The following MGAM variants were observed in gnomAD, a reference collection of about 807,000 sequenced individuals.
MGAM encodes maltase-glucoamylase.
Under a neutral mutation model 358.8 loss-of-function variants are expected in MGAM, and 253 were observed. The observed-to-expected ratio is 0.71, with a 90% CI of 0.64 to 0.78. The LOEUF (loss-of-function observed/expected upper bound fraction) is 0.78. MGAM is among the 30% of genes least tolerant of loss of function. The pLI is 0.00. For missense variants in MGAM, 3,080 were observed against 3,432.6 expected (o/e 0.90, Z 2.57); for synonymous variants, 1,105 against 1,227.1 (o/e 0.90, Z 2.08).
In MGAM at chr7:142,062,688, G is replaced by C. The variant is rs754566813; in HGVS notation, c.4243G>C (p.Asp1415His). 2 of 1,609,924 alleles carry C rather than the reference G, an allele frequency of 1.2e-6. No homozygotes were observed. The highest frequency in any genetic ancestry group is 1.7e-6 in the Non-Finnish European group (2 of 1,178,402). ...GAATCCAGAGAGGAGCTTGAAGTTT[G>C]ATGGCATGTGGATTGTAAGTGTGTG... ...PQNPERSLKF[D>H]GMWIDMNEPS... is the part of the protein sequence containing the mutation. Residue 1415 changes from aspartate to histidine, a missense_variant, in exon 35 of 71, where the codon GAT (aspartate) becomes CAT (histidine). Asp to His is a moderately conservative substitution (Grantham distance 81). Coordinates refer to ENST00000475668, the MANE Select transcript of MGAM (RefSeq NM_001365693.1).
rs1807779161 is a variant in MGAM, at chr7:142,034,317, C to T, written c.1725C>T (p.His575=). ...CTCTCTGTATGGATGCAGTGCAGCA[C>T]TGGGGCAAGCAGTATGACATTCACA... ...CKTLCMDAVQ[H]WGKQYDIHNL... Residue 575 remains histidine (H), a synonymous_variant, in exon 15 of 71, where the codon CAC becomes CAT. Transcript: ENST00000475668. 1.3e-6 allele frequency: 2 copies of T among 1,599,032 alleles called. No homozygotes were observed. Among genetic ancestry groups the T allele is most frequent in the South Asian group, 1.1e-5 (1 of 88,140 alleles).
chr7:142,045,237 A>ACATATATGTTATATAATATATATTATATC (rs1809993722), intron 21 of MGAM, among the ~76,000 whole-genome samples: 1 of 93,408 alleles, frequency 1.1e-5, no homozygotes, highest in African/African-American at 5.1e-5. Flanking sequence ...TATATTATAT[A>ACATATATGTTATATAATATATATTATATC]TCATATAATA....
chr7:142,040,937 C>G (rs1808468113), intron 21 of MGAM, 91 bp downstream of exon 21: 2 of 1,462,188 alleles, frequency 1.4e-6, no homozygotes, highest in East Asian at 4.9e-5. Context: ...GCCAGGTGGT[C>G]AGCCTCTTTG....
At position 142,063,568 on chromosome 7, in the gene MGAM, C is replaced by T. The variant is rs755138331; in HGVS notation, c.4327C>T (p.His1443Tyr). The change falls in exon 36 of 71, where the codon CAC (histidine) becomes TAC (tyrosine). Residue 1443 changes from histidine (H) to tyrosine (Y), a missense_variant. This residue lies in a region of MGAM where 1,816 missense variants were observed against 1,840.5 expected (regional missense o/e 0.99). Coordinates refer to ENST00000475668, the MANE Select transcript of MGAM (RefSeq NM_001365693.1). The stretch of plus-strand genomic sequence containing the variant: ...AGGCTGCAGGGACGCCTCTCTGAAC[C>T]ACCCTCCCTACATGCCACGTAAGAA... ...SPGCRDASLN[H>Y]PPYMPHLESR... 4.3e-6 allele frequency: 7 copies of T among 1,613,598 alleles called. No homozygotes were observed. In the Middle Eastern group the frequency reaches 6.6e-4, roughly 152 times the overall value.
rs782494225 is a variant in MGAM at position 142,031,704 on chromosome 7, C to G, written c.1495C>G (p.Pro499Ala). ...GEVWPGQTVF[P>A]DYTNPNCAVW... The stretch of plus-strand genomic sequence containing the variant: ...GGTCTGGCCTGGACAAACTGTGTTT[C>G]CTGATTATACCAATCCCAACTGTGC... Residue 499 changes from proline to alanine, a missense_variant, in exon 13 of 71, where the codon CCT becomes GCT. Pro to Ala is a conservative substitution (Grantham distance 27). Coordinates refer to ENST00000475668, the MANE Select transcript of MGAM (RefSeq NM_001365693.1). 8 of 1,612,674 alleles carry G rather than the reference C, an allele frequency of 5.0e-6. No individual in the cohort carries two copies. The highest frequency in any genetic ancestry group is 5.1e-6 in the Non-Finnish European group (6 of 1,179,032).
At chr7:142,048,520 T>TTTTTTTTTTTTTTTTTTTTTTTTTTTTAG (rs1563163870) in intron 22 of MGAM, among the ~76,000 whole-genome samples, 2 of 151,498 alleles carry the variant, frequency 1.3e-5, no homozygotes, top group Admixed American at 6.6e-5. Flanking sequence ...AACCCAATGT[T>TTTTTTTTTTTTTTTTTTTTTTTTTTTTAG]AATGTCTTCC....
Position 142,020,980 on chromosome 7 carries a change from CA to C in MGAM, c.456del (p.Ala153ProfsTer3). The C allele has an allele frequency of 6.2e-7, 1 of 1,610,784 alleles. No individual in the cohort carries two copies. The highest frequency in any genetic ancestry group is 8.5e-7 in the Non-Finnish European group (1 of 1,177,566). ...TTTTTTTCTCCTATGTTAGGATTCACAGCCCGGTTGAAAAATCTGCCTTCTT... is the reference window on the plus strand; with the variant it reads ...TTTTTTTCTCCTATGTTAGGATTCACGCCCGGTTGAAAAATCTGCCTTCTT... ...GNLVNTNAGF[T>X]ARLKNLPSSP... On this transcript the variant is annotated frameshift_variant, in exon 5 of 71. Transcript: ENST00000475668. LOFTEE classifies it high-confidence loss of function.
chr7:142,052,100 G>A (rs1048019768), intron 24 of MGAM, among the ~76,000 whole-genome samples, 194 bp from the exon 25 acceptor site: 1 of 152,112 alleles, frequency 6.6e-6, no homozygotes, highest in East Asian at 1.9e-4. Flanking sequence ...CTAGAGGGGA[G>A]ACATTTGACC....
chr7:142,101,583 C>A (rs1043236008), intron 68 of MGAM, among the ~76,000 whole-genome samples: 6 of 151,914 alleles, frequency 3.9e-5, no homozygotes, highest in African/African-American at 1.4e-4. Flanking sequence ...TAGCCAGTGG[C>A]AACTGACTGA....
chr7:141,991,724 C>G (rs1375333272), upstream of MGAM, among the ~76,000 whole-genome samples: 4 of 152,126 alleles, frequency 2.6e-5, no homozygotes, highest in Admixed American at 2.0e-4. Flanking sequence ...CGTGAGCCAC[C>G]ACACCTGGCC....
chr7:142,027,376 CTTGCTGTA>C, intron 9 of MGAM, 149 bp downstream of exon 9: 10 of 785,394 alleles, frequency 1.3e-5, no homozygotes, highest in Middle Eastern at 3.3e-4. Flanking sequence ...GCAATGGAAA[CTTGCTGTA>C]TAGCATTTTT....
upstream of MGAM, among the ~76,000 whole-genome samples, chr7:141,994,422 T>A (rs13437780): frequency 0.051 from 7,776 of 152,210 alleles, 227 homozygotes; most frequent in Middle Eastern, 0.11. Flanking sequence ...TATAATTGAT[T>A]GGCAGGGAAT....
chr7:142,070,397 G>T (rs4323398), intron 43 of MGAM, among the ~76,000 whole-genome samples: 13,935 of 145,608 alleles, frequency 0.096, 2,033 homozygotes, highest in African/African-American at 0.23. Flanking sequence ...TAAAGTTTTA[G>T]TGGAACACAG....
chr7:142,044,372 TAATG>T (rs1377727204), intron 21 of MGAM, among the ~76,000 whole-genome samples: 2 of 129,818 alleles, frequency 1.5e-5, no homozygotes, highest in African/African-American at 5.3e-5. Context: ...ATATGATATA[TAATG>T]AATATTATAT....
At chr7:142,077,763 A>G (rs1338986093) in intron 47 of MGAM, among the ~76,000 whole-genome samples, 1 of 145,712 alleles carries the variant, frequency 6.9e-6, no homozygotes, top group African/African-American at 2.4e-5. Flanking sequence ...ATAAATATGT[A>G]TACCTACTAT....
At chr7:142,049,739 T>A (rs1261505767) in intron 22 of MGAM, among the ~76,000 whole-genome samples, 1 of 151,954 alleles carries the variant, frequency 6.6e-6, no homozygotes, top group Non-Finnish European at 1.5e-5. Context: ...AAATAAAAAA[T>A]TACAGTGAGC....
intron 3 of MGAM, among the ~76,000 whole-genome samples, chr7:142,015,244 G>A (rs1554455682): frequency 1.3e-5 from 2 of 152,004 alleles, no homozygotes; most frequent in African/African-American, 4.8e-5. Flanking sequence ...GATGTGTACA[G>A]TCTTCCCGTT....
Position 142,076,937 on chromosome 7 carries a change from A to T in MGAM, c.5493+111A>T, listed in dbSNP as rs13309184. The T allele has an allele frequency of 8.9e-6, 11 of 1,236,704 alleles. 1 individual carries two copies. In the South Asian group the frequency reaches 1.3e-4, roughly 15 times the overall value. The allele number at this position is 1,236,704 out of a possible 1,614,324, so 76.6% of individuals were successfully genotyped here. On this transcript the variant is annotated intron_variant, in intron 47 of 70. Coordinates refer to ENST00000475668, the MANE Select transcript of MGAM (RefSeq NM_001365693.1). The stretch of plus-strand genomic sequence containing the variant: ...TGAAGTACCAGGGCACCTTTGATGC[A>T]TGTTTTGGGGAATTGAGAGGGCACC...
chr7:142,035,547 C>T (rs1554465484), intron 16 of MGAM, among the ~76,000 whole-genome samples: 1 of 152,110 alleles, frequency 6.6e-6, no homozygotes, highest in African/African-American at 2.4e-5. Context: ...TTGAGATTAA[C>T]CTTGAAAAGT....
Sources: gnomAD v4.1 joint callset for allele counts (sites outside exome capture counted in the v4.1 genomes callset) on GRCh38, gnomAD v4.1.1 for gene constraint, gnomAD v4.1.1 regional missense constraint, MANE v1.5 for transcripts, NCBI Gene and HGNC (gene_info 2026-07-23, HGNC 2026-07-21) for gene names.